Variants in PRR33 observed in about 807,000 individuals in gnomAD.
The protein encoded by PRR33 is proline rich 33.
A neutral mutation model predicts 0.5 loss-of-function variants in PRR33; 1 was observed. The ratio of observed to expected loss-of-function variants is 2.18; its 90% confidence interval spans 0.77 to 10.34. The LOEUF (loss-of-function observed/expected upper bound fraction) is 10.34. PRR33 is among the 30% of genes most tolerant of loss of function. The pLI is 0.13. For missense variants in PRR33, 552 were observed against 251.8 expected (o/e 2.19, Z -8.07); for synonymous variants, 226 against 110.0 (o/e 2.06, Z -6.60).
exon 1 of PRR33, chr11:1,888,794 C>CAGGGCTGGACACT: frequency 4.2e-6 from 1 of 235,620 alleles, no homozygotes; most frequent in South Asian, 1.6e-4. Context: ...GAGGCCCAGG[C>CAGGGCTGGACACT]CCCTGAGGAG....
the PRR33 span, among the ~76,000 whole-genome samples, chr11:1,914,582 C>CTGTG: frequency 0.2 from 25,785 of 130,054 alleles, 2,710 homozygotes; most frequent in Non-Finnish European, 0.24. Context: ...GGATGTTGCT[C>CTGTG]TGTGTGTGTG....
the PRR33 span, among the ~76,000 whole-genome samples, chr11:1,905,734 G>A: frequency 8.6e-5 from 13 of 151,928 alleles, no homozygotes; most frequent in African/African-American, 3.1e-4. Context: ...GATTACAGGT[G>A]TGAGCCACCA....
the PRR33 span, among the ~76,000 whole-genome samples, chr11:1,913,348 G>A: frequency 6.7e-6 from 1 of 148,708 alleles, no homozygotes; most frequent in Non-Finnish European, 1.5e-5. Context: ...GTTTCACCGT[G>A]TGTTAGCCAG....
chr11:1,894,880 A>T (rs567128360), upstream of PRR33, among the ~76,000 whole-genome samples: 31 of 152,352 alleles, frequency 2.0e-4, no homozygotes, highest in African/African-American at 7.2e-4. Context: ...AAACTTGTTC[A>T]GAAACGGCCT....
the PRR33 span, among the ~76,000 whole-genome samples, chr11:1,915,360 T>C: frequency 6.6e-6 from 1 of 151,078 alleles, no homozygotes; most frequent in East Asian, 2.0e-4. Flanking sequence ...CTGTGTGTTG[T>C]GGGGTCACAC....
chr11:1,912,606 A>ATTAT, the PRR33 span, among the ~76,000 whole-genome samples: 2 of 151,998 alleles, frequency 1.3e-5, no homozygotes, highest in African/African-American at 2.4e-5. Context: ...CCATTTCTAA[A>ATTAT]TTATTTATTT....
upstream of PRR33, among the ~76,000 whole-genome samples, chr11:1,895,905 G>A (rs568472484): frequency 5.9e-5 from 9 of 152,182 alleles, 1 homozygote; most frequent in South Asian, 1.9e-3. Flanking sequence ...CTACTTGGGC[G>A]GCTGAGGTGG....
upstream of PRR33, among the ~76,000 whole-genome samples, chr11:1,893,678 G>T (rs1294221099): frequency 6.6e-6 from 1 of 151,558 alleles, no homozygotes; most frequent in African/African-American, 2.4e-5. Context: ...GTGGTTGGAT[G>T]GATGGATAGA....
chr11:1,895,244 T>A (rs991660707), upstream of PRR33, among the ~76,000 whole-genome samples: 8 of 152,150 alleles, frequency 5.3e-5, no homozygotes, highest in African/African-American at 1.9e-4. Flanking sequence ...GCGATTCTCC[T>A]GCCTCAGCCT....
exon 1 of PRR33, chr11:1,889,600 C>G: frequency 1.6e-6 from 1 of 612,634 alleles, no homozygotes; most frequent in South Asian, 1.9e-5. Context: ...ACTTTGGGGA[C>G]AGGGCATGGG....
At chr11:1,890,597 GGGTGGGAGGGACAGT>G in exon 1 of PRR33, 1 of 701,430 alleles carries the variant, frequency 1.4e-6, no homozygotes, top group Non-Finnish European at 2.6e-6. Context: ...CTGTGTCCTA[GGGTGGGAGGGACAGT>G]GGTCAGGCCA....
chr11:1,900,399 C>T, the PRR33 span, among the ~76,000 whole-genome samples: 1 of 152,174 alleles, frequency 6.6e-6, no homozygotes, highest in African/African-American at 2.4e-5. Flanking sequence ...CCCAGGTTAG[C>T]AATTTTATAA....
At chr11:1,906,773 A>G in the PRR33 span, among the ~76,000 whole-genome samples, 380 of 152,234 alleles carry the variant, frequency 2.5e-3, no homozygotes, top group Non-Finnish European at 3.4e-3. Flanking sequence ...TGGTCTCTCT[A>G]GTCCTTTCGG....
chr11:1,906,987 T>G, the PRR33 span, among the ~76,000 whole-genome samples: 85,500 of 152,088 alleles, frequency 0.56, 24,971 homozygotes, highest in Admixed American at 0.68. Context: ...CTTCCCGCAC[T>G]GAGGCCTGGA....
the PRR33 span, among the ~76,000 whole-genome samples, chr11:1,904,199 C>G: frequency 3.3e-5 from 5 of 152,322 alleles, no homozygotes; most frequent in East Asian, 9.6e-4. Flanking sequence ...CCGCTGGAAG[C>G]TCTACGCCAG....
the PRR33 span, among the ~76,000 whole-genome samples, chr11:1,911,837 T>C: frequency 1.3e-5 from 2 of 151,868 alleles, no homozygotes; most frequent in African/African-American, 4.8e-5. Flanking sequence ...ATCATTCAGT[T>C]TTCTGATGTA....
chr11:1,913,444 C>T, the PRR33 span, among the ~76,000 whole-genome samples: 1 of 152,158 alleles, frequency 6.6e-6, no homozygotes, highest in Non-Finnish European at 1.5e-5. Flanking sequence ...CCGCGCCCGG[C>T]CCCCGCTTTC....
At chr11:1,896,727 TGAGA>T (rs1384004292), upstream of PRR33, among the ~76,000 whole-genome samples, 1 of 152,328 alleles carries the variant, frequency 6.6e-6, no homozygotes, top group East Asian at 1.9e-4. Flanking sequence ...CTGTTCTTAG[TGAGA>T]AACTGTTCAG....
the PRR33 span, chr11:1,907,818 T>G: frequency 2.0e-5 from 3 of 152,172 alleles, no homozygotes; most frequent in Non-Finnish European, 2.9e-5. Context: ...TCACTGCCTT[T>G]TTTTCCTCCC....
Sources: allele counts gnomAD v4.1 joint callset (sites outside exome capture counted in the v4.1 genomes callset), GRCh38; gene constraint gnomAD v4.1.1; transcripts MANE v1.5; gene names NCBI Gene and HGNC (gene_info 2026-07-23, HGNC 2026-07-21).